Variants in CACNA1C observed in about 807,000 individuals in gnomAD.
CACNA1C encodes the protein voltage-dependent L-type calcium channel subunit alpha-1C.
CACNA1C carries 30 observed loss-of-function variants against 229.0 expected under a neutral mutation model. The ratio of observed to expected loss-of-function variants is 0.13; its 90% CI spans 0.10 to 0.18. The LOEUF (loss-of-function observed/expected upper bound fraction) is 0.18. CACNA1C is among the 10% of genes least tolerant of loss of function. The probability of loss-of-function intolerance (pLI) is 1.00; values close to 1 mark genes in which losing one functional copy is unlikely to be tolerated. For missense variants in CACNA1C, 1,658 were observed against 2,845.0 expected (o/e 0.58, Z 9.49); for synonymous variants, 1,114 against 1,132.5 (o/e 0.98, Z 0.33).
intron 3 of CACNA1C, among the ~76,000 whole-genome samples, chr12:2,382,722 A>G (rs956133203): frequency 6.6e-6 from 1 of 152,228 alleles, no homozygotes; most frequent in Non-Finnish European, 1.5e-5. Context: ...GGCAAATCCC[A>G]GAATGTATTT....
Position 2,554,412 on chromosome 12 carries a change from A to G in CACNA1C, c.1482-2539A>G, listed in dbSNP as rs531977025. 4.2e-4 allele frequency among the ~76,000 whole-genome samples: 64 copies of G among 152,282 alleles called. 1 individual carries two copies. Among genetic ancestry groups the G allele is most frequent in the South Asian group, 1.0e-3 (5 of 4,826 alleles). On this transcript the variant is annotated intron_variant, in intron 10 of 46. Transcript: ENST00000399655. ...AGAATCCGCTCAACCTGAGGTAGGAATTGTGCCTCATTGGAACAACAACAG... is the reference window on the plus strand; with the variant it reads ...AGAATCCGCTCAACCTGAGGTAGGAGTTGTGCCTCATTGGAACAACAACAG...
chr12:2,130,193 CT>C (rs35630466), intron 3 of CACNA1C, among the ~76,000 whole-genome samples: 81,390 of 114,290 alleles, frequency 0.71, 28,189 homozygotes, highest in Non-Finnish European at 0.74. Flanking sequence ...TGAGACCTTT[CT>C]TTTTTTTTTT....
chr12:2,272,401 C>T (rs1566806485), intron 3 of CACNA1C, among the ~76,000 whole-genome samples: 2 of 152,216 alleles, frequency 1.3e-5, no homozygotes, highest in Admixed American at 6.5e-5. Flanking sequence ...CTGCCTCCTC[C>T]TGCTTCCCCG....
chr12:2,453,544 G>A (rs953743789), intron 4 of CACNA1C, among the ~76,000 whole-genome samples: 8 of 152,028 alleles, frequency 5.3e-5, no homozygotes, highest in East Asian at 1.9e-4. Context: ...CACCCTGCAC[G>A]CCCTTTTCCC....
chr12:2,673,403 T>C (rs1158740225), intron 38 of CACNA1C, among the ~76,000 whole-genome samples: 1 of 148,570 alleles, frequency 6.7e-6, no homozygotes, highest in Non-Finnish European at 1.5e-5. Flanking sequence ...GAGGTGGAGG[T>C]TGCAGTGAGC....
intron 3 of CACNA1C, among the ~76,000 whole-genome samples, chr12:2,394,510 C>T (rs2098539133): frequency 6.6e-6 from 1 of 152,202 alleles, no homozygotes; most frequent in Admixed American, 6.5e-5. Flanking sequence ...GAGAGAATGG[C>T]CACCTTCTCT....
intron 5 of CACNA1C, among the ~76,000 whole-genome samples, chr12:2,469,358 G>A (rs190210498): frequency 2.0e-5 from 3 of 152,280 alleles, no homozygotes; most frequent in Admixed American, 6.5e-5. Context: ...CACGCGACAC[G>A]AGCCACCAGT....
chr12:1,971,520 A>G lies in CACNA1C; in HGVS notation c.139+319A>G, dbSNP rs574710523. On this transcript the variant is annotated intron_variant, in intron 1 of 46. Coordinates refer to the CACNA1C transcript ENST00000682462. This position sits in a 1 kb window ranked among gnomAD's most constrained non-coding sequence, Gnocchi z 4.2. ...TAAGATCAAGGAGATCAAAATTTCCATATAGACTTCATGTCTGGATTTTTT... is the reference window on the plus strand; with the variant it reads ...TAAGATCAAGGAGATCAAAATTTCCGTATAGACTTCATGTCTGGATTTTTT... Among the ~76,000 whole-genome samples the G allele has an allele frequency of 2.6e-5, 4 of 152,378 alleles. No homozygotes were observed. The highest frequency in any genetic ancestry group is 9.6e-5 in the African/African-American group (4 of 41,586).
At chr12:2,256,604 A>T (rs1045480152) in intron 3 of CACNA1C, among the ~76,000 whole-genome samples, 9 of 152,158 alleles carry the variant, frequency 5.9e-5, no homozygotes, top group Admixed American at 1.3e-4. Flanking sequence ...TGACGAGAAG[A>T]TGGTGCAAGA....
intron 3 of CACNA1C, among the ~76,000 whole-genome samples, chr12:2,191,522 A>G (rs755337266): frequency 1.3e-5 from 2 of 152,136 alleles, no homozygotes; most frequent in Non-Finnish European, 2.9e-5. Flanking sequence ...ATACACACAC[A>G]TACACTCACA....
At chr12:2,376,871 A>T (rs1047645516) in intron 3 of CACNA1C, among the ~76,000 whole-genome samples, 1 of 152,194 alleles carries the variant, frequency 6.6e-6, no homozygotes, top group Non-Finnish European at 1.5e-5. Flanking sequence ...TGCCCTAAGA[A>T]TGCAGAACCC....
At chr12:2,066,309 G>A (rs956065858) in intron 1 of CACNA1C, among the ~76,000 whole-genome samples, 3 of 152,068 alleles carry the variant, frequency 2.0e-5, no homozygotes, top group East Asian at 1.9e-4. Context: ...AGCCATTGGG[G>A]AGAGAGAGAG....
intron 3 of CACNA1C, among the ~76,000 whole-genome samples, chr12:2,389,478 C>G (rs1392185730): frequency 6.6e-6 from 1 of 152,118 alleles, no homozygotes; most frequent in Non-Finnish European, 1.5e-5. Context: ...GGCAAGCTGG[C>G]TAAACTTTAA....
At chr12:2,483,842 C>T (rs1192018822) in intron 5 of CACNA1C, among the ~76,000 whole-genome samples, 2 of 152,172 alleles carry the variant, frequency 1.3e-5, no homozygotes, top group Non-Finnish European at 2.9e-5. Context: ...TGTTCAGTGG[C>T]CTCTGTCCCC....
At position 2,252,375 on chromosome 12, in the gene CACNA1C, C is replaced by T. The variant is rs143948640; in HGVS notation, c.477+131945C>T. ...CTGGCCACAGTCAAAGGCTTCTTCA[C>T]ATCAGCAGCTCTGATACGATACACA... On this transcript the variant is annotated intron_variant, in intron 3 of 46. Coordinates refer to ENST00000399655, the MANE Select transcript of CACNA1C (RefSeq NM_000719.7). 1.6e-3 allele frequency among the ~76,000 whole-genome samples: 244 copies of T among 152,302 alleles called. 1 individual carries two copies. The highest frequency in any genetic ancestry group is 1.1e-3 in the Non-Finnish European group (73 of 68,038).
Position 2,459,163 on chromosome 12 carries a change from G to T in CACNA1C, c.757+1457G>T, listed in dbSNP as rs867118913. Among the ~76,000 whole-genome samples, 482 of 78,882 alleles carry T rather than the reference G, an allele frequency of 6.1e-3. 2 individuals are homozygous for T. The highest frequency in any genetic ancestry group is 0.025 in the African/African-American group (414 of 16,612). 51.7% of individuals were successfully genotyped at this position (78,882 alleles called of 152,430 possible). On this transcript the variant is annotated intron_variant, in intron 5 of 46. Coordinates refer to ENST00000399655, the MANE Select transcript of CACNA1C (RefSeq NM_000719.7). Reference sequence around the variant, plus strand: ...ATGCCCAGCTAATTTTTGTTTTTTTGTGTGTGTTTTTTTTTTTTTTTTTTT... The same window carrying T: ...ATGCCCAGCTAATTTTTGTTTTTTTTTGTGTGTTTTTTTTTTTTTTTTTTT...
intron 1 of CACNA1C, among the ~76,000 whole-genome samples, chr12:1,976,169 T>C (rs904284058): frequency 2.0e-5 from 3 of 152,166 alleles, no homozygotes; most frequent in Non-Finnish European, 4.4e-5. Context: ...AAAAAAGTCA[T>C]TTTGGATTAA....
chr12:2,585,265 A>G lies in CACNA1C; in HGVS notation c.2340-111A>G, dbSNP rs573942941. The G allele has an allele frequency of 2.5e-5, 26 of 1,048,662 alleles. No homozygotes were observed. The East Asian group carries it at 3.7e-4, about 15-fold the overall frequency. The allele number at this position is 1,048,662 out of a possible 1,614,324, so 65.0% of individuals were successfully genotyped here. A position where few individuals can be genotyped will look rare whatever the true frequency, so the allele number is the denominator to read the frequency against. On this transcript the variant is annotated intron_variant, in intron 16 of 46. Transcript: ENST00000399655. The surrounding 1 kb of genome is among the most constrained non-coding windows in gnomAD (Gnocchi z 4.1). ...GAGAAAGGAAGATGGACTCAGACCC[A>G]GGGGATCTGTCCCCTCTGGCCCCAA...
In CACNA1C at chr12:2,348,808, C is replaced by A. The variant is rs1356440673; in HGVS notation, c.478-100168C>A. Among the ~76,000 whole-genome samples, 1 of 152,052 alleles carries A rather than the reference C, an allele frequency of 6.6e-6. No homozygotes were observed. Among genetic ancestry groups the A allele is most frequent in the Non-Finnish European group, 1.5e-5 (1 of 68,004 alleles). On this transcript the variant is annotated intron_variant, in intron 3 of 46. Coordinates refer to ENST00000399655, the MANE Select transcript of CACNA1C (RefSeq NM_000719.7). This position sits in a 1 kb window ranked among gnomAD's most constrained non-coding sequence, Gnocchi z 4.7. ...CAAGCTTGCTCATGGCTGGACTTCCCAGACACAGGGTGGGGCTGTTGGATG... is the reference window on the plus strand; with the variant it reads ...CAAGCTTGCTCATGGCTGGACTTCCAAGACACAGGGTGGGGCTGTTGGATG...
Sources: allele counts gnomAD v4.1 joint callset (sites outside exome capture counted in the v4.1 genomes callset), GRCh38; gene constraint gnomAD v4.1.1; non-coding constraint Gnocchi (gnomAD v3.1); transcripts MANE v1.5; gene names NCBI Gene and HGNC (gene_info 2026-07-23, HGNC 2026-07-21).